SCAI: variants seen among roughly 807,000 people sequenced by gnomAD.
SCAI encodes protein SCAI.
A neutral mutation model predicts 92.2 loss-of-function variants in SCAI; 24 were observed. The ratio of observed to expected loss-of-function variants is 0.26; its 90% CI spans 0.19 to 0.37. The LOEUF is 0.37. Among genes scored for constraint, SCAI ranks in the 10% least tolerant of loss-of-function variants. SCAI has a pLI of 1.00. For missense variants in SCAI, 450 were observed against 736.2 expected (o/e 0.61, Z 4.50); for synonymous variants, 261 against 258.6 (o/e 1.01, Z -0.09).
At chr9:125,028,504 T>C (rs1365455238) in intron 4 of SCAI, 26 bp from the exon 5 acceptor site, 1 of 1,288,782 alleles carries the variant, frequency 7.8e-7, no homozygotes, top group Non-Finnish European at 1.1e-6. Context: ...TACAAGAAAA[T>C]AGAAATGAGT....
intron 2 of SCAI, among the ~76,000 whole-genome samples, chr9:125,089,948 A>G (rs1834398628): frequency 6.6e-6 from 1 of 152,236 alleles, no homozygotes; most frequent in African/African-American, 2.4e-5. Flanking sequence ...AAATGACTAC[A>G]ATAAGGAACT....
At chr9:125,029,887 A>G in intron 3 of SCAI, 148 bp from the exon 4 acceptor site, 1 of 493,228 alleles carries the variant, frequency 2.0e-6, no homozygotes, top group Non-Finnish European at 3.5e-6. Flanking sequence ...AGCAGAAATA[A>G]TTCTATAACT....
chr9:124,968,312 A>G, intron 17 of SCAI: 2 of 1,221,574 alleles, frequency 1.6e-6, no homozygotes, highest in Non-Finnish European at 1.2e-6. Flanking sequence ...CTTCTCCAGA[A>G]TAGGCCAAGG....
intron 2 of SCAI, among the ~76,000 whole-genome samples, chr9:125,113,406 T>C (rs1205713360): frequency 6.6e-6 from 1 of 152,068 alleles, no homozygotes; most frequent in African/African-American, 2.4e-5. Context: ...TCATCAAATA[T>C]AAGAGAGGTC....
intron 17 of SCAI, chr9:124,968,144 T>C (rs1193422972): frequency 9.5e-6 from 5 of 528,222 alleles, no homozygotes; most frequent in African/African-American, 1.9e-5. Context: ...GTGGGCAAGG[T>C]AGGAGGCAAC....
chr9:125,076,968 C>CT (rs1430363066), intron 2 of SCAI, among the ~76,000 whole-genome samples: 1 of 152,280 alleles, frequency 6.6e-6, no homozygotes, highest in East Asian at 1.9e-4. Flanking sequence ...TCCCAAAGTG[C>CT]TGGGATTACA....
At chr9:125,123,142 G>T (rs563720406) in intron 2 of SCAI, among the ~76,000 whole-genome samples, 4 of 152,104 alleles carry the variant, frequency 2.6e-5, no homozygotes, top group Non-Finnish European at 5.9e-5. Flanking sequence ...TAGGCAGATT[G>T]CCTGTGCTCA....
rs960366442 is a variant in SCAI, at chr9:125,056,452, G to A, written c.99-445C>T. On this transcript the variant is annotated intron_variant, in intron 2 of 17. Coordinates refer to ENST00000336505, the MANE Select transcript of SCAI (RefSeq NM_001144877.3). ...TGCACTCCAGCCTGGGTGACAGAGC[G>A]AGACACCATCTCAAAAAACAAAGAA... Among the ~76,000 whole-genome samples the A allele has an allele frequency of 2.6e-5, 4 of 152,176 alleles. No individual in the cohort carries two copies. In the South Asian group the frequency reaches 6.2e-4, roughly 24 times the overall value.
In SCAI at chr9:125,080,479, T is replaced by C. The variant is rs75205779; in HGVS notation, c.99-24472A>G. On this transcript the variant is annotated intron_variant, in intron 2 of 17. Transcript: ENST00000336505. ...TTCAGGCTTTCCCCTACCCAGTGAT[T>C]AAAAATCACTCTTTGAAAAAAATAT... Among the ~76,000 whole-genome samples the C allele has an allele frequency of 5.3e-3, 809 of 152,266 alleles. 9 individuals carry two copies. Among genetic ancestry groups the C allele is most frequent in the African/African-American group, 0.018 (765 of 41,556 alleles).
chr9:125,141,478 C>T (rs556458236), intron 2 of SCAI, among the ~76,000 whole-genome samples: 2 of 152,346 alleles, frequency 1.3e-5, no homozygotes, highest in South Asian at 4.1e-4. Flanking sequence ...TGTAGTACCT[C>T]TCACATGGAA....
intron 3 of SCAI, among the ~76,000 whole-genome samples, chr9:125,037,006 C>A (rs62584363): frequency 6.6e-6 from 1 of 152,032 alleles, no homozygotes; most frequent in African/African-American, 2.4e-5. Context: ...CAGTGGCTCA[C>A]GCCTGTAATC....
At position 124,968,270 on chromosome 9, in the gene SCAI, A is replaced by G. The variant is rs542246672; in HGVS notation, c.1674+3100T>C. 5 of 1,129,148 alleles carry G rather than the reference A, an allele frequency of 4.4e-6. No homozygotes were observed. In the East Asian group the frequency reaches 1.2e-4, roughly 27 times the overall value. 69.9% of individuals were successfully genotyped at this position (1,129,148 alleles called of 1,614,324 possible). A position where few individuals can be genotyped will look rare whatever the true frequency, so the allele number is the denominator to read the frequency against. ...TGGGGTCTTGGCCTGACAGCTTTTA[A>G]TATCCTTAAAACCGGGCTGGGCATC... On this transcript the variant is annotated intron_variant, in intron 17 of 17. Coordinates refer to ENST00000336505, the MANE Select transcript of SCAI (RefSeq NM_001144877.3).
At chr9:125,131,491 C>T (rs548224748) in intron 2 of SCAI, among the ~76,000 whole-genome samples, 1 of 152,168 alleles carries the variant, frequency 6.6e-6, no homozygotes, top group East Asian at 1.9e-4. Flanking sequence ...GTTAACCTCC[C>T]TCTGGCAACT....
At chr9:125,120,551 G>A (rs757035743) in intron 2 of SCAI, among the ~76,000 whole-genome samples, 1 of 152,122 alleles carries the variant, frequency 6.6e-6, no homozygotes, top group Non-Finnish European at 1.5e-5. Flanking sequence ...AAATTAGCCA[G>A]ACATGGTGGC....
chr9:124,976,270 T>G, intron 14 of SCAI, 84 bp from the exon 15 acceptor site: 2 of 938,752 alleles, frequency 2.1e-6, no homozygotes, highest in Non-Finnish European at 3.4e-6. Context: ...ATATTTTTAG[T>G]GTATAGATTG....
chr9:125,120,081 A>G (rs1835128271), intron 2 of SCAI, among the ~76,000 whole-genome samples: 1 of 152,212 alleles, frequency 6.6e-6, no homozygotes, highest in Non-Finnish European at 1.5e-5. Context: ...TCTGGTTAAG[A>G]GACTGAGACA....
In SCAI at chr9:125,019,151, C is replaced by T. The variant is rs1832820736; in HGVS notation, c.664G>A (p.Val222Met). ...YTHRFNTEDQ[V>M]EWNLVLQEVA... ...TCTTGAAGCACCAAGTTCCATTCCACTTGATCTTCAGTATTAAATCGGTGA... is the reference window on the plus strand; with the variant it reads ...TCTTGAAGCACCAAGTTCCATTCCATTTGATCTTCAGTATTAAATCGGTGA... The change falls in exon 8 of 18, where the codon GTG (valine) becomes ATG (methionine). Residue 222 changes from valine (V) to methionine (M), a missense_variant. Physicochemically the swap from Val to Met is conservative, Grantham distance 21 (BLOSUM62 1). Coordinates refer to ENST00000336505, the MANE Select transcript of SCAI (RefSeq NM_001144877.3). 1.9e-6 allele frequency: 3 copies of T among 1,604,840 alleles called. No homozygotes were observed. The highest frequency in any genetic ancestry group is 2.5e-6 in the Non-Finnish European group (3 of 1,176,846).
intron 3 of SCAI, among the ~76,000 whole-genome samples, chr9:125,036,482 AAG>A (rs1231162751): frequency 5.3e-5 from 8 of 152,190 alleles, no homozygotes; most frequent in African/African-American, 1.9e-4. Context: ...TAAAATCAGA[AAG>A]AGTCAAAAGT....
chr9:125,080,685 G>T (rs1436020443), intron 2 of SCAI, among the ~76,000 whole-genome samples: 1 of 152,100 alleles, frequency 6.6e-6, no homozygotes, highest in African/African-American at 2.4e-5. Context: ...CCTCATAAAG[G>T]TATTATGAAG....
Sources: gnomAD v4.1 joint callset for allele counts (sites outside exome capture counted in the v4.1 genomes callset) on GRCh38, gnomAD v4.1.1 for gene constraint, MANE v1.5 for transcripts, NCBI Gene and HGNC (gene_info 2026-07-23, HGNC 2026-07-21) for gene names.